HTR2C: variants seen among roughly 807,000 people sequenced by gnomAD.
HTR2C encodes 5-hydroxytryptamine receptor 2C.
HTR2C carries 5 observed loss-of-function variants against 21.0 expected under a neutral mutation model. The ratio of observed to expected loss-of-function variants is 0.24; its 90% CI spans 0.12 to 0.50. The LOEUF (loss-of-function observed/expected upper bound fraction) is 0.50. HTR2C is among the 20% of genes least tolerant of loss of function. The pLI is 0.98. For synonymous variants in HTR2C, 150 were observed against 145.3 expected, an observed-to-expected ratio of 1.03 and a Z score of -0.23; for missense variants, 271 against 371.2, an observed-to-expected ratio of 0.73 and a Z score of 2.22.
intron 2 of HTR2C, among the ~76,000 whole-genome samples, chrX:114,710,879 G>A (rs1932882420): frequency 9.0e-6 from 1 of 111,315 alleles, no homozygotes; most frequent in African/African-American, 3.3e-5. Context: ...AAAGGTGTGT[G>A]GGAGGCTAAT....
chrX:114,636,075 T>G (rs1486986115), intron 2 of HTR2C, among the ~76,000 whole-genome samples: 2 of 109,270 alleles, frequency 1.8e-5, no homozygotes, highest in Non-Finnish European at 3.8e-5. Context: ...ATGGTTTTTT[T>G]TTTTTTTTTT....
chrX:114,649,231 T>A (rs782229004), intron 2 of HTR2C, among the ~76,000 whole-genome samples: 195 of 112,587 alleles, frequency 1.7e-3, no homozygotes, highest in African/African-American at 5.8e-3. Context: ...TTTGTCAAAT[T>A]CAGCTTTTCT....
intron 2 of HTR2C, among the ~76,000 whole-genome samples, chrX:114,632,158 T>C (rs1929654810): frequency 1.8e-5 from 2 of 112,463 alleles, no homozygotes; most frequent in East Asian, 2.8e-4. Context: ...GGTACTGTTT[T>C]ACGTGATAAA....
chrX:114,692,709 T>C (rs2147861594), intron 2 of HTR2C, among the ~76,000 whole-genome samples: 1 of 111,763 alleles, frequency 8.9e-6, no homozygotes, highest in East Asian at 2.8e-4. Flanking sequence ...ATTATAAGAA[T>C]AAGTATTGTG....
rs200602673 is a variant in HTR2C at position 114,907,524 on chromosome X, A to G, written c.*109A>G. 3 of 586,704 alleles carry G rather than the reference A, an allele frequency of 5.1e-6. No homozygotes were observed. In the South Asian group the frequency reaches 9.2e-5, roughly 18 times the overall value. The allele number at this position is 586,704 out of a possible 1,213,427, so 48.4% of individuals were successfully genotyped here. A position where few individuals can be genotyped will look rare whatever the true frequency, so the allele number is the denominator to read the frequency against. On this transcript the variant is annotated 3_prime_UTR_variant, in exon 6 of 6. Coordinates refer to ENST00000276198, the MANE Select transcript of HTR2C (RefSeq NM_000868.4). ...TAATGTAAATATTGCTGTCTGAAAA[A>G]GTGTTTTTACATATAGCTTTGCAAC...
intron 4 of HTR2C, among the ~76,000 whole-genome samples, chrX:114,810,579 C>T (rs967863979): frequency 9.1e-6 from 1 of 109,491 alleles, no homozygotes; most frequent in East Asian, 2.9e-4. Context: ...CTGCATTCTC[C>T]CTCCAACAAG....
At chrX:114,852,345 A>G (rs1367856016) in intron 5 of HTR2C, among the ~76,000 whole-genome samples, 1 of 109,924 alleles carries the variant, frequency 9.1e-6, no homozygotes, top group African/African-American at 3.3e-5. Flanking sequence ...CTCAGAGAAG[A>G]GTCAGTTCCT....
chrX:114,734,564 TAAA>T (rs61672860), intron 4 of HTR2C, among the ~76,000 whole-genome samples: 7 of 34,300 alleles, frequency 2.0e-4, no homozygotes, highest in Admixed American at 3.7e-4. Flanking sequence ...GCCTTACATG[TAAA>T]AAAAAAAAAA....
chrX:114,892,531 G>A (rs1440578295), intron 5 of HTR2C, among the ~76,000 whole-genome samples: 3 of 111,605 alleles, frequency 2.7e-5, no homozygotes, highest in Non-Finnish European at 5.7e-5. Flanking sequence ...CTACAAAAAT[G>A]AAAAATTTAC....
intron 2 of HTR2C, among the ~76,000 whole-genome samples, chrX:114,707,952 T>C (rs1294773268): frequency 9.1e-6 from 1 of 110,039 alleles, no homozygotes; most frequent in Non-Finnish European, 1.9e-5. Flanking sequence ...TTTAGAAAAA[T>C]GTATTATAAC....
chrX:114,629,224 AT>A (rs1244761577), intron 2 of HTR2C, among the ~76,000 whole-genome samples: 30 of 111,944 alleles, frequency 2.7e-4, no homozygotes, highest in Admixed American at 1.9e-3. Flanking sequence ...AAATATGCCC[AT>A]TTATGAGTCA....
chrX:114,681,203 T>A (rs1476395609), intron 2 of HTR2C, among the ~76,000 whole-genome samples: 3 of 111,645 alleles, frequency 2.7e-5, no homozygotes, highest in Admixed American at 1.9e-4. Flanking sequence ...CCAAATTTTA[T>A]CCTCTTCCAT....
At chrX:114,690,878 T>A (rs1279592866) in intron 2 of HTR2C, among the ~76,000 whole-genome samples, 1 of 111,709 alleles carries the variant, frequency 9.0e-6, no homozygotes, top group Non-Finnish European at 1.9e-5. Flanking sequence ...CTAGGTTGAT[T>A]CCTTTTTTGA....
At chrX:114,751,041 G>T (rs1338116010) in intron 4 of HTR2C, among the ~76,000 whole-genome samples, 1 of 111,820 alleles carries the variant, frequency 8.9e-6, no homozygotes, top group Non-Finnish European at 1.9e-5. Flanking sequence ...GAATTTGAGT[G>T]CATTAACATG....
At chrX:114,745,672 G>T (rs5987815) in intron 4 of HTR2C, among the ~76,000 whole-genome samples, 3,204 of 111,805 alleles carry the variant, frequency 0.029, 126 homozygotes, top group African/African-American at 0.098. Context: ...GGAACTGGGG[G>T]TCATTATGTT....
chrX:114,791,882 A>G (rs2147414333), intron 4 of HTR2C, among the ~76,000 whole-genome samples: 1 of 111,574 alleles, frequency 9.0e-6, no homozygotes, highest in South Asian at 3.7e-4. Context: ...CGTATTTCCC[A>G]TACGTAAACT....
At chrX:114,688,833 C>T (rs1932010360) in intron 2 of HTR2C, among the ~76,000 whole-genome samples, 1 of 110,546 alleles carries the variant, frequency 9.0e-6, no homozygotes. Flanking sequence ...ACCACCATTT[C>T]TTTTATTATT....
chrX:114,895,192 G>GA (rs2071287221), intron 5 of HTR2C, among the ~76,000 whole-genome samples: 1 of 111,504 alleles, frequency 9.0e-6, no homozygotes, highest in Admixed American at 9.5e-5. Context: ...AATAACAAGT[G>GA]AAAAAAATTA....
intron 2 of HTR2C, among the ~76,000 whole-genome samples, chrX:114,711,811 C>T: frequency 8.9e-6 from 1 of 111,938 alleles, no homozygotes; most frequent in Non-Finnish European, 1.9e-5. Context: ...ACTTTTATCA[C>T]TGTGCCTGGA....
Sources: gnomAD v4.1 joint callset for allele counts (sites outside exome capture counted in the v4.1 genomes callset) on GRCh38, gnomAD v4.1.1 for gene constraint, MANE v1.5 for transcripts, NCBI Gene and HGNC (gene_info 2026-07-23, HGNC 2026-07-21) for gene names.